Variants in TLL1 observed in about 807,000 individuals in gnomAD.
TLL1 encodes the protein tolloid-like protein 1.
TLL1 carries 49 observed loss-of-function variants against 128.2 expected under a neutral mutation model. The ratio of observed to expected loss-of-function variants is 0.38; its 90% CI spans 0.30 to 0.48. The LOEUF (loss-of-function observed/expected upper bound fraction) is 0.48. TLL1 is among the 20% of genes least tolerant of loss of function. The probability of loss-of-function intolerance (pLI) is 0.96; values close to 1 mark genes in which losing one functional copy is unlikely to be tolerated. For synonymous variants in TLL1, 454 were observed against 418.8 expected, an observed-to-expected ratio of 1.08 and a Z score of -1.03; for missense variants, 1,123 against 1,242.0, an observed-to-expected ratio of 0.90 and a Z score of 1.44.
intron 1 of TLL1, among the ~76,000 whole-genome samples, chr4:165,972,267 A>G (rs950654133): frequency 6.6e-6 from 1 of 152,192 alleles, no homozygotes; most frequent in Admixed American, 6.5e-5. Context: ...TTGATTTTGC[A>G]CGTTTCAGTG....
At chr4:165,910,496 A>G (rs1368556250) in intron 1 of TLL1, among the ~76,000 whole-genome samples, 1 of 152,176 alleles carries the variant, frequency 6.6e-6, no homozygotes, top group Non-Finnish European at 1.5e-5. Flanking sequence ...TTCTTCTGCT[A>G]TAAAATTAGG....
At chr4:166,043,138 G>A in intron 11 of TLL1, 136 bp from the exon 12 acceptor site, 1 of 1,149,644 alleles carries the variant, frequency 8.7e-7, no homozygotes, top group Non-Finnish European at 1.3e-6. Flanking sequence ...ATTACAACCA[G>A]TCAACTTTGA....
At chr4:166,049,706 TAATA>T (rs1739624277) in intron 12 of TLL1, among the ~76,000 whole-genome samples, 1 of 150,586 alleles carries the variant, frequency 6.6e-6, no homozygotes, top group Admixed American at 6.6e-5. Flanking sequence ...ATAAATAAGA[TAATA>T]TAATTTAAAA....
At chr4:165,902,188 G>T (rs544563759) in intron 1 of TLL1, among the ~76,000 whole-genome samples, 1 of 152,114 alleles carries the variant, frequency 6.6e-6, no homozygotes, top group Non-Finnish European at 1.5e-5. Context: ...GCTCCATGTG[G>T]GTGTGATCTG....
chr4:165,897,769 G>A (rs1349518741), intron 1 of TLL1, among the ~76,000 whole-genome samples: 1 of 135,828 alleles, frequency 7.4e-6, no homozygotes, highest in African/African-American at 2.7e-5. Flanking sequence ...TGTGAAGAAA[G>A]TCAATGGTAG....
At chr4:165,922,797 T>C (rs1423932872) in intron 1 of TLL1, among the ~76,000 whole-genome samples, 3 of 152,250 alleles carry the variant, frequency 2.0e-5, no homozygotes, top group Admixed American at 2.0e-4. Context: ...TTTATATGTA[T>C]GTAAACACTG....
At position 166,006,836 on chromosome 4, in the gene TLL1, A is replaced by C. The variant is rs139059330; in HGVS notation, c.812-1107A>C. On this transcript the variant is annotated intron_variant, in intron 6 of 20. Coordinates refer to ENST00000061240, the MANE Select transcript of TLL1 (RefSeq NM_012464.5). The stretch of plus-strand genomic sequence containing the variant: ...AACTTCAGGTTGATTCTTCATTCTT[A>C]ATTCTCAAGTGAATACCCCACATTT... 6.9e-3 allele frequency among the ~76,000 whole-genome samples: 1,044 copies of C among 151,820 alleles called. 7 individuals carry two copies. Among genetic ancestry groups the C allele is most frequent in the African/African-American group, 0.024 (999 of 41,530 alleles).
intron 1 of TLL1, among the ~76,000 whole-genome samples, chr4:165,907,587 T>G (rs905674620): frequency 6.6e-6 from 1 of 151,818 alleles, no homozygotes; most frequent in African/African-American, 2.4e-5. Context: ...TTGATCTTGT[T>G]GCCCAGGCTA....
At chr4:166,097,741 T>C (rs1560870049) in intron 19 of TLL1, among the ~76,000 whole-genome samples, 1 of 152,124 alleles carries the variant, frequency 6.6e-6, no homozygotes, top group African/African-American at 2.4e-5. Flanking sequence ...CTAAGGACTA[T>C]CTGGTCACAG....
chr4:165,976,034 C>CAAAAAAAAAAAAAAA, intron 1 of TLL1, among the ~76,000 whole-genome samples: 1 of 72,098 alleles, frequency 1.4e-5, no homozygotes, highest in Non-Finnish European at 2.5e-5. Context: ...GATTCCATCT[C>CAAAAAAAAAAAAAAA]AAAAAAAAAA....
intron 10 of TLL1, among the ~76,000 whole-genome samples, chr4:166,040,371 T>G (rs1739189761): frequency 6.6e-6 from 1 of 152,212 alleles, no homozygotes; most frequent in Admixed American, 6.5e-5. Flanking sequence ...ATATTTAGTT[T>G]CTTAGCCTAG....
intron 19 of TLL1, among the ~76,000 whole-genome samples, chr4:166,098,911 A>T (rs1742151559): frequency 6.6e-6 from 1 of 152,124 alleles, no homozygotes; most frequent in African/African-American, 2.4e-5. Flanking sequence ...AAAATTATTG[A>T]GTTACTAAGT....
At position 166,099,393 on chromosome 4, in the gene TLL1, C is replaced by A; in HGVS notation, c.2773C>A (p.Arg925=). ...CTGTGAATGGCTATTAGTATCAGAACGGGGCTCTCGACTTGAATTATCCTT... is the reference window on the plus strand; with the variant it reads ...CTGTGAATGGCTATTAGTATCAGAAAGGGGCTCTCGACTTGAATTATCCTT... ...VDCEWLLVSE[R]GSRLELSFQT... is the part of the protein sequence containing the mutation. Residue 925 remains arginine, a synonymous_variant, in exon 20 of 21, where the codon CGG becomes AGG. Transcript: ENST00000061240. The A allele has an allele frequency of 6.2e-7, 1 of 1,613,540 alleles. No individual in the cohort carries two copies.
intron 18 of TLL1, among the ~76,000 whole-genome samples, chr4:166,084,932 G>GA (rs1299351548): frequency 2.0e-5 from 3 of 151,142 alleles, no homozygotes; most frequent in Non-Finnish European, 4.4e-5. Flanking sequence ...CTATTCCTGT[G>GA]AAAAAATGTT....
chr4:166,022,821 T>A (rs983330101), intron 8 of TLL1, among the ~76,000 whole-genome samples: 1 of 152,212 alleles, frequency 6.6e-6, no homozygotes, highest in African/African-American at 2.4e-5. Flanking sequence ...ATAAGATGGA[T>A]CACATGATAT....
At chr4:165,990,235 A>G (rs2111011008) in intron 2 of TLL1, among the ~76,000 whole-genome samples, 1 of 151,966 alleles carries the variant, frequency 6.6e-6, no homozygotes, top group Non-Finnish European at 1.5e-5. Flanking sequence ...TCTGGAGAAA[A>G]TTGCAAGGTT....
intron 1 of TLL1, among the ~76,000 whole-genome samples, chr4:165,928,824 C>T (rs1221751073): frequency 1.3e-5 from 2 of 152,178 alleles, no homozygotes; most frequent in East Asian, 3.9e-4. Flanking sequence ...TAACTTGCGC[C>T]TCATTGTTTA....
At chr4:165,981,424 G>A (rs1736145281) in intron 1 of TLL1, among the ~76,000 whole-genome samples, 1 of 152,072 alleles carries the variant, frequency 6.6e-6, no homozygotes, top group Non-Finnish European at 1.5e-5. Flanking sequence ...AAGATTTACA[G>A]AGTTGATAAG....
At chr4:166,050,062 T>C (rs1739638843) in intron 12 of TLL1, among the ~76,000 whole-genome samples, 1 of 152,186 alleles carries the variant, frequency 6.6e-6, no homozygotes. Context: ...AAAATATACA[T>C]AACATAAAAT....
Sources: allele counts gnomAD v4.1 joint callset (sites outside exome capture counted in the v4.1 genomes callset), GRCh38; gene constraint gnomAD v4.1.1; transcripts MANE v1.5; gene names NCBI Gene and HGNC (gene_info 2026-07-23, HGNC 2026-07-21).